The following IQCM variants were observed in gnomAD, a reference collection of about 807,000 sequenced individuals.
The protein encoded by IQCM is IQ domain-containing protein M.
IQCM carries 45 observed loss-of-function variants against 57.6 expected under a neutral mutation model. The observed-to-expected ratio is 0.78, with a 90% CI of 0.62 to 1.00. The LOEUF is 1.00. Among genes scored for constraint, IQCM ranks in the 50% least tolerant of loss-of-function variants. The pLI is 0.00. For synonymous variants in IQCM, 148 were observed against 158.9 expected (o/e 0.93, Z 0.51); for missense variants, 468 against 511.6 (o/e 0.91, Z 0.82).
chr4:149,570,690 G>T (rs1172283268), intron 9 of IQCM, among the ~76,000 whole-genome samples: 1 of 151,992 alleles, frequency 6.6e-6, no homozygotes, highest in African/African-American at 2.4e-5. Context: ...TGATATGTTA[G>T]TATCATATGA....
At chr4:149,541,620 G>T (rs1747859489) in intron 12 of IQCM, among the ~76,000 whole-genome samples, 1 of 151,946 alleles carries the variant, frequency 6.6e-6, no homozygotes, top group Admixed American at 6.6e-5. Flanking sequence ...TCAAGTAATG[G>T]TTTTCATGTT....
At chr4:149,466,255 G>A (rs1322062016) in intron 12 of IQCM, among the ~76,000 whole-genome samples, 1 of 152,134 alleles carries the variant, frequency 6.6e-6, no homozygotes, top group East Asian at 1.9e-4. Flanking sequence ...GAAGTACACT[G>A]AATATATCAT....
chr4:149,553,187 A>C lies in IQCM; in HGVS notation c.1049T>G (p.Ile350Ser). ...YRRGLWRTRQ[I>S]LNLAELEEWM... ...CTCCTCTAGCTCTGCTAAGTTGAGA[A>C]TTTGTCTTGTCCTCCAAAGACCACG... The change falls in exon 11 of 14, where the codon ATT (isoleucine) becomes AGT (serine). Residue 350 changes from isoleucine (I) to serine (S), a missense_variant. Physicochemically the swap from Ile to Ser is moderately radical, Grantham distance 142. Transcript: ENST00000636793. 1 of 1,232,022 alleles carries C rather than the reference A, an allele frequency of 8.1e-7. No individual in the cohort carries two copies. The highest frequency in any genetic ancestry group is 1.0e-6 in the Non-Finnish European group (1 of 987,874). The allele number at this position is 1,232,022 out of a possible 1,614,324, so 76.3% of individuals were successfully genotyped here. A position where few individuals can be genotyped will look rare whatever the true frequency, so the allele number is the denominator to read the frequency against.
chr4:149,502,828 T>C (rs1743401175), intron 12 of IQCM, among the ~76,000 whole-genome samples: 1 of 152,040 alleles, frequency 6.6e-6, no homozygotes, highest in South Asian at 2.1e-4. Flanking sequence ...AGTGAAAATG[T>C]ACAAGCAATC....
intron 7 of IQCM, among the ~76,000 whole-genome samples, chr4:149,670,178 G>T (rs989574165): frequency 6.6e-6 from 1 of 152,122 alleles, no homozygotes; most frequent in Non-Finnish European, 1.5e-5. Context: ...AGTTCTCCTT[G>T]AGGAGGTCCT....
chr4:149,446,518 G>A (rs1240794472), intron 12 of IQCM, among the ~76,000 whole-genome samples: 1 of 151,576 alleles, frequency 6.6e-6, no homozygotes, highest in Non-Finnish European at 1.5e-5. Context: ...ACAGGCATGT[G>A]GGAAAACTTG....
intron 12 of IQCM, among the ~76,000 whole-genome samples, chr4:149,467,142 AT>A (rs1486955769): frequency 6.6e-6 from 1 of 152,212 alleles, no homozygotes. Context: ...ATAGTGTGCT[AT>A]CACTCAACAT....
At chr4:149,467,771 A>G (rs530506821) in intron 12 of IQCM, among the ~76,000 whole-genome samples, 1 of 152,332 alleles carries the variant, frequency 6.6e-6, no homozygotes, top group Non-Finnish European at 1.5e-5. Flanking sequence ...TGGTAGAGAC[A>G]GACACAGCAG....
At chr4:149,553,356 T>C in intron 10 of IQCM, 69 bp from the exon 11 acceptor site, 2 of 1,166,394 alleles carry the variant, frequency 1.7e-6, no homozygotes, top group Non-Finnish European at 2.2e-6. Context: ...CCTCTTTCAT[T>C]TAGTCTATTT....
At chr4:149,564,022 A>T (rs1021959120) in intron 9 of IQCM, 132 bp from the exon 10 acceptor site, 19 of 459,210 alleles carry the variant, frequency 4.1e-5, no homozygotes, top group African/African-American at 2.8e-4. Context: ...AATTCAATGT[A>T]TGATATCACC....
At position 149,442,951 on chromosome 4, in the gene IQCM, C is replaced by G. The variant is rs866596989; in HGVS notation, c.1229-9394G>C. 3.3e-4 allele frequency among the ~76,000 whole-genome samples: 37 copies of G among 111,200 alleles called. 1 individual carries two copies. Among genetic ancestry groups the G allele is most frequent in the African/African-American group, 1.3e-3 (34 of 26,972 alleles). 73.0% of individuals were successfully genotyped at this position (111,200 alleles called of 152,430 possible). On this transcript the variant is annotated intron_variant, in intron 12 of 13. Coordinates refer to ENST00000636793, the MANE Select transcript of IQCM (RefSeq NM_001363507.2). The stretch of plus-strand genomic sequence containing the variant: ...ACACACACACACACACACACACACA[C>G]ACAGAGAGAGAGAGAGAGAGAGAGA...
At chr4:149,488,031 T>C (rs1741708444) in intron 12 of IQCM, among the ~76,000 whole-genome samples, 1 of 152,144 alleles carries the variant, frequency 6.6e-6, no homozygotes, top group Non-Finnish European at 1.5e-5. Context: ...GCCATCTTGC[T>C]CTGCCCATTT....
intron 7 of IQCM, among the ~76,000 whole-genome samples, chr4:149,657,223 T>A (rs1032010721): frequency 6.6e-6 from 1 of 152,280 alleles, no homozygotes; most frequent in East Asian, 1.9e-4. Context: ...TTCTGTGATA[T>A]CGATATTTTT....
At chr4:149,419,868 A>G (rs1734004876) in intron 13 of IQCM, among the ~76,000 whole-genome samples, 1 of 152,010 alleles carries the variant, frequency 6.6e-6, no homozygotes, top group Non-Finnish European at 1.5e-5. Flanking sequence ...AGACATTGAC[A>G]TGGCCAACAA....
chr4:149,684,106 T>C (rs1236155915), intron 6 of IQCM, among the ~76,000 whole-genome samples: 5 of 151,378 alleles, frequency 3.3e-5, no homozygotes, highest in Non-Finnish European at 7.4e-5. Context: ...ATGCATTTTG[T>C]TGATGGGAAA....
At chr4:149,540,058 G>A (rs1747696137) in intron 12 of IQCM, among the ~76,000 whole-genome samples, 1 of 151,874 alleles carries the variant, frequency 6.6e-6, no homozygotes, top group Non-Finnish European at 1.5e-5. Context: ...AGGCATTAAA[G>A]TTAAATGAGG....
intron 7 of IQCM, among the ~76,000 whole-genome samples, chr4:149,646,566 CT>C (rs2150125216): frequency 6.6e-6 from 1 of 152,170 alleles, no homozygotes; most frequent in South Asian, 2.1e-4. Context: ...AGTTGACAAA[CT>C]TTTTACTTCA....
intron 13 of IQCM, among the ~76,000 whole-genome samples, chr4:149,415,938 A>G (rs934276307): frequency 1.3e-5 from 2 of 152,074 alleles, no homozygotes; most frequent in Admixed American, 1.3e-4. Flanking sequence ...GCATTAGGAG[A>G]GATACCTAAT....
At chr4:149,644,014 G>T (rs1758428139) in intron 7 of IQCM, among the ~76,000 whole-genome samples, 1 of 152,110 alleles carries the variant, frequency 6.6e-6, no homozygotes, top group Admixed American at 6.6e-5. Flanking sequence ...CATCCAGTTT[G>T]CCCAAGACTG....
Sources: allele counts gnomAD v4.1 joint callset (sites outside exome capture counted in the v4.1 genomes callset), GRCh38; gene constraint gnomAD v4.1.1; transcripts MANE v1.5; gene names NCBI Gene and HGNC (gene_info 2026-07-23, HGNC 2026-07-21).